LPCAT1: variants seen among roughly 807,000 people sequenced by gnomAD.
The protein encoded by LPCAT1 is 1-acylglycerol-3-phosphate O-acyltransferase.
A neutral mutation model predicts 60.9 loss-of-function variants in LPCAT1; 23 were observed. That is an observed-to-expected ratio of 0.38 (90% CI 0.27 to 0.53). The LOEUF (loss-of-function observed/expected upper bound fraction) is 0.53. Ranked by LOEUF, LPCAT1 falls within the 20% of genes least tolerant of loss-of-function variation. The pLI, the probability that LPCAT1 is intolerant of heterozygous loss-of-function variation, is 0.82. For missense variants in LPCAT1, 622 were observed against 723.6 expected, an observed-to-expected ratio of 0.86 and a Z score of 1.61; for synonymous variants, 340 against 301.1, an observed-to-expected ratio of 1.13 and a Z score of -1.34.
At position 1,477,523 on chromosome 5, in the gene LPCAT1, C is replaced by T. The variant is rs1197332447; in HGVS notation, c.817-37G>A. ...GAGAAGCTGCGTTAGTATCACAAGA[C>T]GCTGACCTCAGCAACACCACTGTAA... is the stretch of plus-strand genomic sequence containing the variant. On this transcript the variant is annotated intron_variant, in intron 8 of 13. Transcript: ENST00000283415. The surrounding 1 kb of genome is among the most constrained non-coding windows in gnomAD (Gnocchi z 6.0). The T allele has an allele frequency of 8.6e-6, 13 of 1,506,708 alleles. No homozygotes were observed. The highest frequency in any genetic ancestry group is 1.1e-5 in the Non-Finnish European group (12 of 1,088,546). The allele number at this position is 1,506,708 out of a possible 1,614,324, so 93.3% of individuals were successfully genotyped here. A position where few individuals can be genotyped will look rare whatever the true frequency, so the allele number is the denominator to read the frequency against.
chr5:1,466,816 C>T lies in LPCAT1; in HGVS notation c.1353G>A (p.Val451=), dbSNP rs748337774. 1 of 1,613,456 alleles carries T rather than the reference C, an allele frequency of 6.2e-7. No individual in the cohort carries two copies. Among genetic ancestry groups the T allele is most frequent in the Non-Finnish European group, 8.5e-7 (1 of 1,179,616 alleles). Reference sequence around the variant, plus strand: ...ATAGGTCGGTCACGGTGAGCTCTGCCACCCCCAGGGCCGTCTTGAGGATGC... The same window carrying T: ...ATAGGTCGGTCACGGTGAGCTCTGCTACCCCCAGGGCCGTCTTGAGGATGC... ...LSCILKTALG[V]AELTVTDLFR... Residue 451 remains valine (V), a synonymous_variant, in exon 13 of 14, where the codon GTG becomes GTA. Coordinates refer to ENST00000283415, the MANE Select transcript of LPCAT1 (RefSeq NM_024830.5).
intron 1 of LPCAT1, among the ~76,000 whole-genome samples, chr5:1,501,809 G>A (rs401042): frequency 1.1e-4 from 17 of 151,468 alleles, no homozygotes; most frequent in Non-Finnish European, 1.9e-4. Flanking sequence ...GCTGACCGGC[G>A]CTGACCAAGG....
intron 5 of LPCAT1, among the ~76,000 whole-genome samples, chr5:1,484,279 C>T (rs934860523): frequency 1.0e-4 from 16 of 152,394 alleles, no homozygotes; most frequent in East Asian, 3.9e-4. Context: ...ACCCAGCAGC[C>T]GCTCCGCCTT....
intron 1 of LPCAT1, among the ~76,000 whole-genome samples, chr5:1,503,425 C>T (rs1338875604): frequency 6.6e-6 from 1 of 152,230 alleles, no homozygotes; most frequent in Non-Finnish European, 1.5e-5. Flanking sequence ...CTTCCTGCAT[C>T]TGTGGGGAGA....
chr5:1,488,648 T>C (rs764829814), intron 4 of LPCAT1, among the ~76,000 whole-genome samples, 197 bp from the exon 5 acceptor site: 1 of 152,216 alleles, frequency 6.6e-6, no homozygotes, highest in African/African-American at 2.4e-5. Flanking sequence ...TTTATTAAAG[T>C]GTGGCAGCAG....
chr5:1,477,953 T>C lies in LPCAT1; in HGVS notation c.817-467A>G, dbSNP rs534713185. 1.3e-5 allele frequency among the ~76,000 whole-genome samples: 2 copies of C among 151,242 alleles called. No individual in the cohort carries two copies. Among genetic ancestry groups the C allele is most frequent in the East Asian group, 3.9e-4 (2 of 5,072 alleles). ...GCCTACATCAGAACATCTGGCTCTCTGATCTACACTCACCCCCGTCAGTGC... is the reference window on the plus strand; with the variant it reads ...GCCTACATCAGAACATCTGGCTCTCCGATCTACACTCACCCCCGTCAGTGC... On this transcript the variant is annotated intron_variant, in intron 8 of 13. Coordinates refer to ENST00000283415, the MANE Select transcript of LPCAT1 (RefSeq NM_024830.5). The surrounding 1 kb of genome is among the most constrained non-coding windows in gnomAD (Gnocchi z 6.0).
chr5:1,463,687 G>C lies in LPCAT1; in HGVS notation c.1569C>G (p.Asp523Glu). The change falls in exon 14 of 14, where the codon GAC (aspartate) becomes GAG (glutamate). Residue 523 changes from aspartate (D) to glutamate (E), a missense_variant. Physicochemically the swap from Asp to Glu is conservative, Grantham distance 45. Coordinates refer to ENST00000283415, the MANE Select transcript of LPCAT1 (RefSeq NM_024830.5). ...TCTTGCGAACAGGCTTCCGCCCAGC[G>C]TCTGAGTTTTCCGGGCTGAAATCGG... is the stretch of plus-strand genomic sequence containing the variant. ...FCADFSPENS[D>E]AGRKPVRKKL... is the part of the protein sequence containing the mutation. 1 of 1,614,246 alleles carries C rather than the reference G, an allele frequency of 6.2e-7. No individual in the cohort carries two copies. The highest frequency in any genetic ancestry group is 8.5e-7 in the Non-Finnish European group (1 of 1,180,040).
In LPCAT1 at chr5:1,487,214, G is replaced by A. The variant is rs558536608; in HGVS notation, c.667+1177C>T. Among the ~76,000 whole-genome samples, 6 of 152,334 alleles carry A rather than the reference G, an allele frequency of 3.9e-5. 1 individual carries two copies. The East Asian group carries it at 7.7e-4, about 20-fold the overall frequency. ...CTTCTGCCTGGGGCCTTGGAAACAC[G>A]GCCCACTTTTGGCCTTCACCAAGGT... On this transcript the variant is annotated intron_variant, in intron 5 of 13. Transcript: ENST00000283415. This position sits in a 1 kb window ranked among gnomAD's most constrained non-coding sequence, Gnocchi z 6.1.
rs1035294201 is a variant in LPCAT1 at position 1,522,837 on chromosome 5, G to A, written c.135+873C>T. Among the ~76,000 whole-genome samples, 4 of 152,088 alleles carry A rather than the reference G, an allele frequency of 2.6e-5. No homozygotes were observed. The highest frequency in any genetic ancestry group is 1.9e-4 in the East Asian group (1 of 5,178). ...TCTTGAGAGTGGATCTCAGGTAACT[G>A]TAAGCCCAGCTGGCAGCCAGGTAGC... On this transcript the variant is annotated intron_variant, in intron 1 of 13. Coordinates refer to ENST00000283415, the MANE Select transcript of LPCAT1 (RefSeq NM_024830.5). The surrounding 1 kb of genome is among the most constrained non-coding windows in gnomAD (Gnocchi z 6.8).
intron 3 of LPCAT1, among the ~76,000 whole-genome samples, chr5:1,491,330 C>T (rs1735572807): frequency 6.6e-6 from 1 of 152,172 alleles, no homozygotes; most frequent in Non-Finnish European, 1.5e-5. Context: ...GTCCCATGGT[C>T]GTCCCGGGGC....
At chr5:1,507,651 C>T (rs750468450) in intron 1 of LPCAT1, among the ~76,000 whole-genome samples, 29 of 152,178 alleles carry the variant, frequency 1.9e-4, no homozygotes, top group Non-Finnish European at 3.8e-4. Flanking sequence ...GCCTGCAGTC[C>T]CAGGAGCACG....
chr5:1,484,943 G>A lies in LPCAT1; in HGVS notation c.668-1457C>T, dbSNP rs58619328. On this transcript the variant is annotated intron_variant, in intron 5 of 13. Coordinates refer to ENST00000283415, the MANE Select transcript of LPCAT1 (RefSeq NM_024830.5). ...GACGGGTGGCTGTGTCAGGGGAGGC[G>A]GAGGACGGCAGGGCTGGCACAGACC... 3.1e-3 allele frequency among the ~76,000 whole-genome samples: 469 copies of A among 152,306 alleles called. 3 individuals carry two copies. Among genetic ancestry groups the A allele is most frequent in the African/African-American group, 0.011 (446 of 41,550 alleles).
In LPCAT1 at chr5:1,483,032, A is replaced by C. The variant is rs1351484110; in HGVS notation, c.726+396T>G. On this transcript the variant is annotated intron_variant, in intron 6 of 13. Coordinates refer to ENST00000283415, the MANE Select transcript of LPCAT1 (RefSeq NM_024830.5). The surrounding 1 kb of genome is among the most constrained non-coding windows in gnomAD (Gnocchi z 9.2). ...AATTTTTAAACTTCCTGGAGCATGA[A>C]CTGGGTACTGAAAGCTGCTGGGGGC... Among the ~76,000 whole-genome samples the C allele has an allele frequency of 6.6e-6, 1 of 152,196 alleles. No individual in the cohort carries two copies. The highest frequency in any genetic ancestry group is 2.4e-5 in the African/African-American group (1 of 41,448).
rs371335596 is a variant in LPCAT1 at position 1,474,045 on chromosome 5, C to T, written c.1091G>A (p.Gly364Glu). 7 of 1,613,924 alleles carry T rather than the reference C, an allele frequency of 4.3e-6. No homozygotes were observed. Among genetic ancestry groups the T allele is most frequent in the African/African-American group, 4.0e-5 (3 of 74,922 alleles). Reference sequence around the variant, plus strand: ...AAACTCCGCAATACCTATCTTCTCTCCTCCCTTCATCCTGGCTCTTTCTGA... The same window carrying T: ...AAACTCCGCAATACCTATCTTCTCTTCTCCCTTCATCCTGGCTCTTTCTGA... Reference protein sequence around the residue: ...RYSERARMKGGEKIGIAEFAA... With the variant: ...RYSERARMKGEEKIGIAEFAA... Residue 364 changes from glycine to glutamate, a missense_variant, in exon 11 of 14, where the codon GGA becomes GAA. By Grantham distance (98) the Gly-to-Glu change is moderately conservative (BLOSUM62 -2). This residue lies in a region of LPCAT1 where 288 missense variants were observed against 283.6 expected (regional missense o/e 1.02). Coordinates refer to ENST00000283415, the MANE Select transcript of LPCAT1 (RefSeq NM_024830.5).
chr5:1,511,707 G>C (rs1298903224), intron 1 of LPCAT1, among the ~76,000 whole-genome samples: 1 of 152,200 alleles, frequency 6.6e-6, no homozygotes, highest in African/African-American at 2.4e-5. Flanking sequence ...CTGCAGACAG[G>C]GTCAGAGAAC....
At chr5:1,503,519 C>G (rs1474810816) in intron 1 of LPCAT1, among the ~76,000 whole-genome samples, 1 of 152,252 alleles carries the variant, frequency 6.6e-6, no homozygotes, top group Non-Finnish European at 1.5e-5. Flanking sequence ...AGCTTCAGCG[C>G]TGTGCAGCTC....
rs531684818 is a variant in LPCAT1 at position 1,495,130 on chromosome 5, G to A, written c.279-216C>T. 1.3e-4 allele frequency among the ~76,000 whole-genome samples: 20 copies of A among 152,344 alleles called. No homozygotes were observed. Among genetic ancestry groups the A allele is most frequent in the Admixed American group, 2.6e-4 (4 of 15,308 alleles). ...CCTCGCTGGCTGCGCTCTCACCTAC[G>A]AAGGAGGCCGCGGGGCCCTGTGTGG... is the stretch of plus-strand genomic sequence containing the variant. On this transcript the variant is annotated intron_variant, in intron 2 of 13. Transcript: ENST00000283415. The surrounding 1 kb of genome is among the most constrained non-coding windows in gnomAD (Gnocchi z 4.7).
intron 2 of LPCAT1, among the ~76,000 whole-genome samples, 155 bp downstream of exon 2, chr5:1,501,306 C>T (rs76923960): frequency 0.057 from 8,726 of 152,274 alleles, 300 homozygotes; most frequent in Middle Eastern, 0.1. Context: ...GCCGAGTCCC[C>T]ACTGGCAGGG....
In LPCAT1 at chr5:1,477,567, C is replaced by A. The variant is rs532149457; in HGVS notation, c.817-81G>T. On this transcript the variant is annotated intron_variant, in intron 8 of 13. Transcript: ENST00000283415. This position sits in a 1 kb window ranked among gnomAD's most constrained non-coding sequence, Gnocchi z 6.0. ...ACTGTAACGACAACTGGGAGGCTGA[C>A]AAAATTAAGATCTGTCAAAGTAACG... 265 of 1,051,846 alleles carry A rather than the reference C, an allele frequency of 2.5e-4. 1 individual carries two copies. In the African/African-American group the frequency reaches 2.6e-3, roughly 10 times the overall value. 65.2% of individuals were successfully genotyped at this position (1,051,846 alleles called of 1,614,324 possible). A position where few individuals can be genotyped will look rare whatever the true frequency, so the allele number is the denominator to read the frequency against.
Sources: gnomAD v4.1 joint callset for allele counts (sites outside exome capture counted in the v4.1 genomes callset) on GRCh38, gnomAD v4.1.1 for gene constraint, gnomAD v4.1.1 regional missense constraint, Gnocchi (gnomAD v3.1) non-coding constraint, MANE v1.5 for transcripts, NCBI Gene and HGNC (gene_info 2026-07-23, HGNC 2026-07-21) for gene names.